The following PTGR3 variants were observed in gnomAD, a reference collection of about 807,000 sequenced individuals.
PTGR3 encodes the protein prostaglandin reductase 3.
chr18:75,207,023 C>T, the PTGR3 span, among the ~76,000 whole-genome samples: 1 of 152,114 alleles, frequency 6.6e-6, no homozygotes, highest in Non-Finnish European at 1.5e-5. Flanking sequence ...AGCAGTAAGC[C>T]TGAAGGGAGA....
At chr18:75,203,984 T>C in the PTGR3 span, among the ~76,000 whole-genome samples, 121,668 of 152,188 alleles carry the variant, frequency 0.8, 48,772 homozygotes, top group African/African-American at 0.85. Flanking sequence ...GAAGTGACGG[T>C]AGGGTTTGCT....
the PTGR3 span, chr18:75,197,807 T>C: frequency 6.6e-6 from 1 of 152,364 alleles, no homozygotes; most frequent in East Asian, 1.9e-4. Context: ...AAATTATGAA[T>C]TCATCAAATC....
the PTGR3 span, among the ~76,000 whole-genome samples, chr18:75,206,953 CCT>C: frequency 1.6e-4 from 24 of 152,130 alleles, no homozygotes; most frequent in Non-Finnish European, 2.6e-4. Context: ...CCTGGCTGTG[CCT>C]CTCTCCCCAG....
the PTGR3 span, chr18:75,198,674 T>C: frequency 1.3e-5 from 2 of 152,182 alleles, no homozygotes; most frequent in African/African-American, 4.8e-5. Flanking sequence ...AACAGATCAC[T>C]GGGACTCCTT....
the PTGR3 span, chr18:75,208,576 T>G: frequency 3.1e-5 from 30 of 975,168 alleles, no homozygotes; most frequent in East Asian, 1.1e-4. Flanking sequence ...GAGGGAGGGC[T>G]GGAGGAGGGG....
the PTGR3 span, among the ~76,000 whole-genome samples, chr18:75,203,845 G>C: frequency 6.6e-6 from 1 of 152,102 alleles, no homozygotes; most frequent in Non-Finnish European, 1.5e-5. Flanking sequence ...TTTTAAAAAG[G>C]GCCCACTTCC....
At chr18:75,206,879 G>A in the PTGR3 span, among the ~76,000 whole-genome samples, 1 of 152,184 alleles carries the variant, frequency 6.6e-6, no homozygotes, top group Non-Finnish European at 1.5e-5. Flanking sequence ...CAAAATTCAG[G>A]GATCCACCTG....
the PTGR3 span, among the ~76,000 whole-genome samples, chr18:75,204,911 G>A: frequency 6.6e-6 from 1 of 152,196 alleles, no homozygotes. Flanking sequence ...CCCGCCGGCG[G>A]CTTGACCGTG....
the PTGR3 span, chr18:75,199,431 G>A: frequency 1.3e-5 from 2 of 152,164 alleles, no homozygotes; most frequent in Non-Finnish European, 2.9e-5. Flanking sequence ...AAGCCTTTTG[G>A]ACATAGACTA....
chr18:75,197,633 T>C, the PTGR3 span: 1 of 152,344 alleles, frequency 6.6e-6, no homozygotes, highest in African/African-American at 2.4e-5. Flanking sequence ...GTTTTGTATT[T>C]TGACTTCTGA....
the PTGR3 span, chr18:75,201,017 A>C: frequency 5.7e-6 from 1 of 176,046 alleles, no homozygotes; most frequent in Non-Finnish European, 1.2e-5. Context: ...TGAGCATAAG[A>C]CCAAATTCTC....
At chr18:75,207,055 A>C in the PTGR3 span, among the ~76,000 whole-genome samples, 1 of 152,068 alleles carries the variant, frequency 6.6e-6, no homozygotes, top group African/African-American at 2.4e-5. Flanking sequence ...AGGAAAAAAA[A>C]CCCCACAGAG....
At chr18:75,205,374 C>T in the PTGR3 span, 4 of 985,416 alleles carry the variant, frequency 4.1e-6, no homozygotes, top group Non-Finnish European at 4.8e-6. Flanking sequence ...TCCTTGTACC[C>T]CCACCCCCCC....
chr18:75,201,926 T>C, the PTGR3 span: 3 of 1,614,188 alleles, frequency 1.9e-6, no homozygotes, highest in Middle Eastern at 3.3e-4. Context: ...AAGCAGACTT[T>C]TCATCAGAAG....
chr18:75,201,864 A>G, the PTGR3 span: 65 of 1,614,210 alleles, frequency 4.0e-5, no homozygotes, highest in South Asian at 4.1e-4. Flanking sequence ...GACGGTACCT[A>G]CGGGTTCAGT....
At chr18:75,196,660 CTG>C in the PTGR3 span, 1 of 117,414 alleles carries the variant, frequency 8.5e-6, no homozygotes, top group African/African-American at 3.6e-5. Flanking sequence ...AAAAAAAAGT[CTG>C]TACTTTGGCC....
chr18:75,208,987 G>C, the PTGR3 span: 2 of 1,593,736 alleles, frequency 1.3e-6, no homozygotes, highest in African/African-American at 1.4e-5. Flanking sequence ...CGGAGCCCTG[G>C]AAGTCCAGGA....
the PTGR3 span, among the ~76,000 whole-genome samples, chr18:75,204,591 T>C: frequency 6.6e-6 from 1 of 152,110 alleles, no homozygotes; most frequent in African/African-American, 2.4e-5. Context: ...CCCTCAGAAG[T>C]GCCCGCTGCA....
At chr18:75,202,363 A>G in the PTGR3 span, 1 of 1,588,870 alleles carries the variant, frequency 6.3e-7, no homozygotes, top group Non-Finnish European at 8.6e-7. Flanking sequence ...AAACAAACAA[A>G]TATGTTACGA....
Sources: gnomAD v4.1 joint callset for allele counts (sites outside exome capture counted in the v4.1 genomes callset) on GRCh38, gnomAD v4.1.1 for gene constraint, MANE v1.5 for transcripts, NCBI Gene and HGNC (gene_info 2026-07-23, HGNC 2026-07-21) for gene names.